The following DIMT1 variants were observed in gnomAD, a reference collection of about 807,000 sequenced individuals.
DIMT1 encodes DIM1 rRNA methyltransferase and ribosome maturation factor.
A neutral mutation model predicts 43.2 loss-of-function variants in DIMT1; 36 were observed. That is an observed-to-expected ratio of 0.83 (90% CI 0.64 to 1.10). DIMT1 has a LOEUF of 1.10. Ranked by LOEUF, DIMT1 falls within the 50% of genes least tolerant of loss-of-function variation. The pLI is 0.00. For missense variants in DIMT1, 341 were observed against 385.3 expected, an observed-to-expected ratio of 0.88 and a Z score of 0.96; for synonymous variants, 126 against 130.3, an observed-to-expected ratio of 0.97 and a Z score of 0.22.
At chr5:62,390,612 C>T (rs1406783331) in intron 11 of DIMT1, among the ~76,000 whole-genome samples, 1 of 152,112 alleles carries the variant, frequency 6.6e-6, no homozygotes, top group African/African-American at 2.4e-5. Context: ...CTGCACACCA[C>T]ATTGGAACCT....
At chr5:62,400,079 G>A (rs953295753) in intron 3 of DIMT1, among the ~76,000 whole-genome samples, 2 of 152,148 alleles carry the variant, frequency 1.3e-5, no homozygotes, top group African/African-American at 2.4e-5. Flanking sequence ...TGTTGTTAGA[G>A]AAGAGCGTAC....
chr5:62,401,940 A>G (rs926629782), intron 3 of DIMT1, 96 bp downstream of exon 3: 17 of 1,230,150 alleles, frequency 1.4e-5, no homozygotes, highest in Non-Finnish European at 1.7e-5. Context: ...TTACTACTAA[A>G]ATAATAGCAA....
At chr5:62,397,585 C>T (rs1050764945) in intron 6 of DIMT1, among the ~76,000 whole-genome samples, 3 of 152,188 alleles carry the variant, frequency 2.0e-5, no homozygotes, top group Admixed American at 6.5e-5. Context: ...AACATTGTCT[C>T]AGCCCTTCTT....
Position 62,402,130 on chromosome 5 carries a change from C to G in DIMT1, c.154-8G>C. On this transcript the variant is annotated splice_polypyrimidine_tract_variant and splice_region_variant and intron_variant, in intron 2 of 11. Transcript: ENST00000199320. ...AGTTGGTCTTAAGGCAGCCTAAAAG[C>G]AAGCACAAACACTTTAGCTCTTCTG... The G allele has an allele frequency of 6.2e-7, 1 of 1,613,654 alleles. No individual in the cohort carries two copies. Among genetic ancestry groups the G allele is most frequent in the Non-Finnish European group, 8.5e-7 (1 of 1,179,730 alleles).
chr5:62,392,201 G>A lies in DIMT1; in HGVS notation c.762C>T (p.Asn254=), dbSNP rs1554044333. 1.9e-6 allele frequency: 3 copies of A among 1,613,512 alleles called. No homozygotes were observed. Among genetic ancestry groups the A allele is most frequent in the South Asian group, 2.2e-5 (2 of 91,010 alleles). The stretch of plus-strand genomic sequence containing the variant: ...TATGGACTGAACAGTGAATTCTGTA[G>A]TTTTTTTCCAAGAGTTGTTGCACTG... The part of the protein sequence containing the change: ...SSAVQQLLEK[N]YRIHCSVHNI... The change falls in exon 10 of 12, where the codon AAC becomes AAT. Residue 254 remains asparagine, a synonymous_variant. Transcript: ENST00000199320.
chr5:62,400,175 G>A (rs1398094339), intron 3 of DIMT1, among the ~76,000 whole-genome samples: 1 of 152,176 alleles, frequency 6.6e-6, no homozygotes, highest in African/African-American at 2.4e-5. Flanking sequence ...AAATGAAAAT[G>A]GATGTCAAAT....
At chr5:62,402,817 A>G (rs1035648305) in intron 2 of DIMT1, among the ~76,000 whole-genome samples, 1 of 152,322 alleles carries the variant, frequency 6.6e-6, no homozygotes, top group Non-Finnish European at 1.5e-5. Context: ...TAACCATAAG[A>G]GAACATCAAT....
In DIMT1 at chr5:62,398,847, G is replaced by T; in HGVS notation, c.275C>A (p.Ala92Asp). Residue 92 changes from alanine (A) to aspartate (D), a missense_variant, in exon 4 of 12, where the codon GCT (alanine) becomes GAT (aspartate). Coordinates refer to ENST00000199320, the MANE Select transcript of DIMT1 (RefSeq NM_014473.4). The stretch of plus-strand genomic sequence containing the variant: ...GCCCTGAACTCTTTTGTGAAGTTCA[G>T]CTACTAGCCTTGGGTCAAGTTCACA... ...VACELDPRLV[A>D]ELHKRVQGTP... is the part of the protein sequence containing the mutation. 1 of 1,613,772 alleles carries T rather than the reference G, an allele frequency of 6.2e-7. No homozygotes were observed. The highest frequency in any genetic ancestry group is 1.1e-5 in the South Asian group (1 of 90,980).
intron 11 of DIMT1, among the ~76,000 whole-genome samples, chr5:62,389,485 C>CAAAAAAAAAAAAAAAAAAAAAAAAAAA (rs775533413): frequency 1.3e-5 from 1 of 75,916 alleles, no homozygotes; most frequent in African/African-American, 5.7e-5. Context: ...GACTCTGTCT[C>CAAAAAAAAAAAAAAAAAAAAAAAAAAA]AAAAAAAAAA....
Position 62,388,933 on chromosome 5 carries a change from A to C in DIMT1, c.*77T>G, listed in dbSNP as rs1742162382. On this transcript the variant is annotated 3_prime_UTR_variant, in exon 12 of 12. Transcript: ENST00000199320. ...GTAAATAATGTCTCAGTAAAGCAAA[A>C]GCATTATCTTCTCAAATACAAAAAA... The C allele has an allele frequency of 7.3e-7, 1 of 1,366,130 alleles. No individual in the cohort carries two copies. Among genetic ancestry groups the C allele is most frequent in the Non-Finnish European group, 1.0e-6 (1 of 971,930 alleles). The allele number at this position is 1,366,130 out of a possible 1,614,324, so 84.6% of individuals were successfully genotyped here. A position where few individuals can be genotyped will look rare whatever the true frequency, so the allele number is the denominator to read the frequency against.
At chr5:62,400,193 A>G (rs1375533436) in intron 3 of DIMT1, among the ~76,000 whole-genome samples, 3 of 152,206 alleles carry the variant, frequency 2.0e-5, no homozygotes, top group African/African-American at 7.2e-5. Context: ...AATAAGGCCG[A>G]AATTGAAATT....
rs1431994642 is a variant in DIMT1, at chr5:62,398,803, C to G, written c.302+17G>C. 1 of 1,613,938 alleles carries G rather than the reference C, an allele frequency of 6.2e-7. No individual in the cohort carries two copies. The highest frequency in any genetic ancestry group is 1.7e-5 in the Admixed American group (1 of 60,010). ...CATGAGATTGAAATGCACTTTAATT[C>G]TATTATGTATACTCACGTGCCCTGA... On this transcript the variant is annotated intron_variant, in intron 4 of 11. Transcript: ENST00000199320.
chr5:62,401,099 T>C (rs778149794), intron 3 of DIMT1, among the ~76,000 whole-genome samples: 24 of 152,174 alleles, frequency 1.6e-4, no homozygotes, highest in Non-Finnish European at 2.6e-4. Flanking sequence ...GATAATGCAG[T>C]TCAGCTCCCT....
chr5:62,402,235 T>C (rs1053483969), intron 2 of DIMT1, 113 bp from the exon 3 acceptor site: 11 of 1,011,908 alleles, frequency 1.1e-5, no homozygotes, highest in Non-Finnish European at 1.6e-5. Context: ...TTAATCTGAC[T>C]CCATTTTTAG....
chr5:62,397,744 G>A (rs1742548729), intron 6 of DIMT1, among the ~76,000 whole-genome samples: 1 of 151,956 alleles, frequency 6.6e-6, no homozygotes, highest in African/African-American at 2.4e-5. Context: ...CGCCTCCCGG[G>A]TTCACGCCAT....
chr5:62,403,641 C>A, intron 1 of DIMT1, 53 bp downstream of exon 1: 1 of 1,559,732 alleles, frequency 6.4e-7, no homozygotes, highest in South Asian at 1.2e-5. Flanking sequence ...CAGGCTAGGT[C>A]CTGCCGGAAG....
Position 62,402,018 on chromosome 5 carries a change from A to G in DIMT1, c.240+18T>C. 6.2e-7 allele frequency: 1 copy of G among 1,611,146 alleles called. No homozygotes were observed. Among genetic ancestry groups the G allele is most frequent in the Non-Finnish European group, 8.5e-7 (1 of 1,178,208 alleles). ...AACATAGTCATTTGTGATACCAAAC[A>G]TTAAATCCCCTTTCTACCTTTTTTG... On this transcript the variant is annotated intron_variant, in intron 3 of 11. Coordinates refer to ENST00000199320, the MANE Select transcript of DIMT1 (RefSeq NM_014473.4).
chr5:62,397,043 G>A (rs1022609056), intron 6 of DIMT1, among the ~76,000 whole-genome samples: 1 of 152,168 alleles, frequency 6.6e-6, no homozygotes, highest in African/African-American at 2.4e-5. Flanking sequence ...TCCGCCTCCT[G>A]AGTTCAAGCG....
rs760274682 is a variant in DIMT1, at chr5:62,388,969, ATTTCT to A, written c.*36_*40del. The A allele has an allele frequency of 5.1e-6, 8 of 1,563,858 alleles. No homozygotes were observed. The African/African-American group carries it at 6.8e-5, about 13-fold the overall frequency. On this transcript the variant is annotated 3_prime_UTR_variant, in exon 12 of 12. Coordinates refer to ENST00000199320, the MANE Select transcript of DIMT1 (RefSeq NM_014473.4). Reference sequence around the variant, plus strand: ...CTCAAATACAAAAAATACAAAATTCATTTCTTTTCTTGACCTTGAAAATTTCTGTT... The same window carrying A: ...CTCAAATACAAAAAATACAAAATTCATTTCTTGACCTTGAAAATTTCTGTT...
Sources: gnomAD v4.1 joint callset for allele counts (sites outside exome capture counted in the v4.1 genomes callset) on GRCh38, gnomAD v4.1.1 for gene constraint, MANE v1.5 for transcripts, NCBI Gene and HGNC (gene_info 2026-07-23, HGNC 2026-07-21) for gene names.